ATL2: variants seen among roughly 807,000 people sequenced by gnomAD.
The protein encoded by ATL2 is atlastin GTPase 2.
Under a neutral mutation model 73.9 loss-of-function variants are expected in ATL2, and 31 were observed. The ratio of observed to expected loss-of-function variants is 0.42; its 90% confidence interval spans 0.32 to 0.57. The LOEUF is 0.57. ATL2 is among the 20% of genes least tolerant of loss of function. The probability of loss-of-function intolerance (pLI) is 0.14; values close to 1 mark genes in which losing one functional copy is unlikely to be tolerated. For missense variants in ATL2, 738 were observed against 702.6 expected, an observed-to-expected ratio of 1.05 and a Z score of -0.57; for synonymous variants, 291 against 237.5, an observed-to-expected ratio of 1.23 and a Z score of -2.07.
chr2:38,377,250 C>T lies in ATL2; in HGVS notation c.11G>A (p.Gly4Glu), dbSNP rs771954442. The T allele has an allele frequency of 1.8e-4, 289 of 1,589,178 alleles. No individual in the cohort carries two copies. The highest frequency in any genetic ancestry group is 2.4e-4 in the Non-Finnish European group (279 of 1,168,492). ...TTGCTGCCCTCGCGCTGCCTCGTCC[C>T]CCTCCGCCATCTTGTACCGATTTAA... MAE[G>E]DEAARGQQPH... Residue 4 changes from glycine (G) to glutamate (E), a missense_variant, in exon 1 of 13, where the codon GGG becomes GAG. Transcript: ENST00000378954.
intron 11 of ATL2, 121 bp downstream of exon 11, chr2:38,299,135 G>T (rs777797431): frequency 3.0e-4 from 254 of 856,154 alleles, no homozygotes; most frequent in Non-Finnish European, 3.9e-4. Flanking sequence ...GGGGAATTAG[G>T]GAATAATGTA....
chr2:38,309,164 T>TA (rs1269507492), intron 9 of ATL2, among the ~76,000 whole-genome samples: 1 of 152,132 alleles, frequency 6.6e-6, no homozygotes, highest in Non-Finnish European at 1.5e-5. Context: ...GATAATTCTG[T>TA]AAATAAATTA....
chr2:38,344,210 G>C (rs1406076586), intron 1 of ATL2, among the ~76,000 whole-genome samples: 1 of 152,086 alleles, frequency 6.6e-6, no homozygotes, highest in East Asian at 1.9e-4. Flanking sequence ...ATAAACTAAA[G>C]AGGGGAAAAA....
chr2:38,297,253 T>C (rs1573414802), intron 12 of ATL2, among the ~76,000 whole-genome samples: 2 of 152,204 alleles, frequency 1.3e-5, no homozygotes, highest in East Asian at 1.9e-4. Flanking sequence ...TTCAAGTTTA[T>C]AGCCAAAACA....
upstream of ATL2, among the ~76,000 whole-genome samples, chr2:38,378,490 G>A (rs1421946591): frequency 6.6e-6 from 1 of 152,192 alleles, no homozygotes; most frequent in African/African-American, 2.4e-5. Flanking sequence ...ACCCGCCTCA[G>A]CCTCCCAAAG....
At chr2:38,367,024 AAC>A (rs1487869333) in intron 1 of ATL2, among the ~76,000 whole-genome samples, 1 of 151,990 alleles carries the variant, frequency 6.6e-6, no homozygotes, top group African/African-American at 2.4e-5. Flanking sequence ...TTTTTTTAGC[AAC>A]AGAGTCTCAC....
chr2:38,365,529 A>G (rs1284876555), intron 1 of ATL2, among the ~76,000 whole-genome samples: 1 of 152,104 alleles, frequency 6.6e-6, no homozygotes, highest in African/African-American at 2.4e-5. Context: ...AGTGACTCAC[A>G]CCTGTAATCT....
At chr2:38,319,074 C>A in intron 2 of ATL2, 55 bp from the exon 3 acceptor site, 6 of 1,545,020 alleles carry the variant, frequency 3.9e-6, no homozygotes, top group Admixed American at 4.0e-5. Flanking sequence ...ATAAAAGAAA[C>A]CAAAAAATCA....
intron 1 of ATL2, among the ~76,000 whole-genome samples, chr2:38,363,923 C>T (rs753288763): frequency 2.0e-5 from 3 of 152,154 alleles, no homozygotes; most frequent in African/African-American, 4.8e-5. Context: ...ATTCTGAAGA[C>T]GGCTGCACCT....
At chr2:38,360,518 G>A (rs1020796541) in intron 1 of ATL2, among the ~76,000 whole-genome samples, 3 of 152,258 alleles carry the variant, frequency 2.0e-5, no homozygotes, top group South Asian at 2.1e-4. Flanking sequence ...CTGGACTAAA[G>A]GGATCCTCCT....
chr2:38,355,896 T>C (rs1402741342), intron 1 of ATL2, among the ~76,000 whole-genome samples: 8 of 151,578 alleles, frequency 5.3e-5, no homozygotes, highest in African/African-American at 1.9e-4. Flanking sequence ...GGTTTCACCA[T>C]TTTGGCCAGG....
At chr2:38,297,180 C>A (rs1179329417) in intron 12 of ATL2, among the ~76,000 whole-genome samples, 1 of 152,162 alleles carries the variant, frequency 6.6e-6, no homozygotes, top group East Asian at 1.9e-4. Flanking sequence ...AAAATAACAT[C>A]ATTACAAGAA....
At chr2:38,342,136 G>T (rs190365002) in intron 2 of ATL2, among the ~76,000 whole-genome samples, 20 of 151,622 alleles carry the variant, frequency 1.3e-4, no homozygotes, top group African/African-American at 4.6e-4. Flanking sequence ...TTTTTTTCAG[G>T]AGAGAAAGTC....
At chr2:38,317,093 G>A (rs1232187558) in intron 4 of ATL2, among the ~76,000 whole-genome samples, 2 of 152,026 alleles carry the variant, frequency 1.3e-5, no homozygotes, top group Admixed American at 6.6e-5. Flanking sequence ...TTCAAACTGA[G>A]GAAGGAGGAA....
intron 2 of ATL2, among the ~76,000 whole-genome samples, chr2:38,330,495 A>G (rs1668923769): frequency 6.6e-6 from 1 of 152,208 alleles, no homozygotes; most frequent in Non-Finnish European, 1.5e-5. Flanking sequence ...ATGATGTTGT[A>G]TATAGAAAAC....
At chr2:38,366,886 G>A (rs1389580430) in intron 1 of ATL2, among the ~76,000 whole-genome samples, 2 of 151,958 alleles carry the variant, frequency 1.3e-5, no homozygotes, top group Non-Finnish European at 2.9e-5. Flanking sequence ...GTCCCATTCC[G>A]GCCTCTAGTC....
intron 2 of ATL2, among the ~76,000 whole-genome samples, chr2:38,331,828 T>G (rs912713094): frequency 6.6e-6 from 1 of 151,810 alleles, no homozygotes; most frequent in African/African-American, 2.4e-5. Flanking sequence ...ACATCATTAT[T>G]ATGACATATA....
At chr2:38,332,704 C>T (rs1258212712) in intron 2 of ATL2, among the ~76,000 whole-genome samples, 1 of 152,160 alleles carries the variant, frequency 6.6e-6, no homozygotes, top group Admixed American at 6.5e-5. Flanking sequence ...ACACAAAACC[C>T]ACTTGTATAA....
chr2:38,343,031 C>T (rs955852589), intron 2 of ATL2, among the ~76,000 whole-genome samples: 1 of 149,698 alleles, frequency 6.7e-6, no homozygotes, highest in Non-Finnish European at 1.5e-5. Flanking sequence ...GCCTGTAGTC[C>T]TAGCTTCTCG....
Sources: allele counts gnomAD v4.1 joint callset (sites outside exome capture counted in the v4.1 genomes callset), GRCh38; gene constraint gnomAD v4.1.1; transcripts MANE v1.5; gene names NCBI Gene and HGNC (gene_info 2026-07-23, HGNC 2026-07-21).